Variants in LIPH observed in about 807,000 individuals in gnomAD.
LIPH encodes the protein lipase member H.
A neutral mutation model predicts 47.6 loss-of-function variants in LIPH; 32 were observed. That is an observed-to-expected ratio of 0.67 (90% CI 0.51 to 0.90). LIPH has a LOEUF of 0.90. Among genes scored for constraint, LIPH ranks in the 40% least tolerant of loss-of-function variants. The probability of loss-of-function intolerance (pLI) is 0.00; values close to 1 mark genes in which losing one functional copy is unlikely to be tolerated. For missense variants in LIPH, 497 were observed against 541.4 expected, an observed-to-expected ratio of 0.92 and a Z score of 0.81; for synonymous variants, 190 against 195.6, an observed-to-expected ratio of 0.97 and a Z score of 0.24.
intron 5 of LIPH, among the ~76,000 whole-genome samples, chr3:185,522,797 A>G (rs949248022): frequency 6.6e-6 from 1 of 152,204 alleles, no homozygotes; most frequent in African/African-American, 2.4e-5. Context: ...AAAGTAATAT[A>G]AAATTATTTG....
chr3:185,517,128 C>T lies in LIPH; in HGVS notation c.921G>A (p.Arg307=). The T allele has an allele frequency of 6.2e-7, 1 of 1,611,632 alleles. No individual in the cohort carries two copies. The highest frequency in any genetic ancestry group is 8.5e-7 in the Non-Finnish European group (1 of 1,177,750). The part of the protein sequence containing the change: ...YYADNWKDHL[R]GKDPPMTKAF... ...CCTTCGTCATTGGAGGATCTTTCCC[C>T]CTTAGATGGTCTTTCCAATTATCAG... is the stretch of plus-strand genomic sequence containing the variant. The change falls in exon 7 of 10, where the codon AGG becomes AGA. Residue 307 remains arginine, a synonymous_variant. Coordinates refer to ENST00000296252, the MANE Select transcript of LIPH (RefSeq NM_139248.3).
chr3:185,538,331 C>T (rs1720563811), intron 1 of LIPH, among the ~76,000 whole-genome samples: 1 of 152,114 alleles, frequency 6.6e-6, no homozygotes, highest in Admixed American at 6.6e-5. Flanking sequence ...GAGGAAGAAT[C>T]AGTCAGTAAT....
chr3:185,540,187 C>A (rs1720658174), intron 1 of LIPH, among the ~76,000 whole-genome samples: 1 of 152,192 alleles, frequency 6.6e-6, no homozygotes, highest in Admixed American at 6.5e-5. Context: ...AGATCTCTTG[C>A]ACATCCCTCC....
chr3:185,514,518 T>C lies in LIPH; in HGVS notation c.986A>G (p.Tyr329Cys), dbSNP rs1719666919. The C allele has an allele frequency of 2.6e-6, 3 of 1,134,908 alleles. No individual in the cohort carries two copies. Among genetic ancestry groups the C allele is most frequent in the South Asian group, 2.5e-5 (2 of 81,538 alleles). 70.3% of individuals were successfully genotyped at this position (1,134,908 alleles called of 1,614,324 possible). Reference protein sequence around the residue: ...DTAEESPFCMYHYFVDIITWN... With the variant: ...DTAEESPFCMCHYFVDIITWN... Reference sequence around the variant, plus strand: ...TGTTATAATATCCACAAAGTAATGATACACTGCAAAACAGAGAGAGAACAC... The same window carrying C: ...TGTTATAATATCCACAAAGTAATGACACACTGCAAAACAGAGAGAGAACAC... Residue 329 changes from tyrosine (Y) to cysteine (C), a missense_variant, in exon 8 of 10, where the codon TAT (tyrosine) becomes TGT (cysteine). Transcript: ENST00000296252.
At chr3:185,508,926 A>G (rs1295546843) in intron 9 of LIPH, 49 bp from the exon 10 acceptor site, 1 of 1,065,228 alleles carries the variant, frequency 9.4e-7, no homozygotes, top group African/African-American at 1.6e-5. Context: ...ATAAAAATGC[A>G]ATGGTCTAGT....
At chr3:185,545,772 G>A (rs1489982940) in intron 1 of LIPH, among the ~76,000 whole-genome samples, 5 of 152,108 alleles carry the variant, frequency 3.3e-5, no homozygotes, top group African/African-American at 1.2e-4. Flanking sequence ...TCAGACCTAG[G>A]TTTGATGTCC....
chr3:185,520,424 G>A (rs1719866670), intron 5 of LIPH, among the ~76,000 whole-genome samples: 1 of 151,844 alleles, frequency 6.6e-6, no homozygotes, highest in Non-Finnish European at 1.5e-5. Flanking sequence ...GGCTGAGGCA[G>A]GAGAATCGCT....
intron 3 of LIPH, among the ~76,000 whole-genome samples, chr3:185,529,965 G>GAAAGAAAGAAAGAAAGAAA (rs1553823294): frequency 9.7e-6 from 1 of 103,038 alleles, no homozygotes; most frequent in Non-Finnish European, 2.0e-5. Context: ...AAAGAAAGAA[G>GAAAGAAAGAAAGAAAGAAA]GAAAGAAAGA....
chr3:185,509,389 G>A (rs1450067282), intron 9 of LIPH, among the ~76,000 whole-genome samples: 1 of 151,978 alleles, frequency 6.6e-6, no homozygotes, highest in Non-Finnish European at 1.5e-5. Context: ...AGCACTTTGG[G>A]AGGCCAAGGC....
At chr3:185,531,534 G>A (rs926177753) in intron 3 of LIPH, among the ~76,000 whole-genome samples, 12 of 149,634 alleles carry the variant, frequency 8.0e-5, no homozygotes, top group Non-Finnish European at 1.0e-4. Context: ...TCCAGCCTGG[G>A]CGACAGAGTA....
chr3:185,534,058 T>A (rs1186055914), intron 2 of LIPH, among the ~76,000 whole-genome samples: 1 of 152,056 alleles, frequency 6.6e-6, no homozygotes, highest in Admixed American at 6.6e-5. Flanking sequence ...ACCCCGTCTT[T>A]ACTAAAAATA....
intron 3 of LIPH, among the ~76,000 whole-genome samples, chr3:185,528,149 G>C (rs547084165): frequency 6.6e-6 from 1 of 151,584 alleles, no homozygotes; most frequent in East Asian, 2.0e-4. Context: ...GCTTGAACCC[G>C]GGAGGCAGAG....
At chr3:185,509,053 A>G (rs1348645197) in intron 9 of LIPH, among the ~76,000 whole-genome samples, 176 bp from the exon 10 acceptor site, 1 of 151,686 alleles carries the variant, frequency 6.6e-6, no homozygotes, top group African/African-American at 2.4e-5. Context: ...GCATTTTAAG[A>G]GGCCGAGGCG....
In LIPH at chr3:185,507,751, AG is replaced by A. The variant is rs1449487439; in HGVS notation, c.*1038del. Reference sequence around the variant, plus strand: ...AAATAGGTGACAGCCTTGTTCCAAAAGGCTAACATTAATTACCTCTAATAGG... The same window carrying A: ...AAATAGGTGACAGCCTTGTTCCAAAAGCTAACATTAATTACCTCTAATAGG... On this transcript the variant is annotated 3_prime_UTR_variant, in exon 10 of 10. Coordinates refer to ENST00000296252, the MANE Select transcript of LIPH (RefSeq NM_139248.3). 1 of 152,220 alleles carries A rather than the reference AG, an allele frequency of 6.6e-6. No homozygotes were observed. The highest frequency in any genetic ancestry group is 1.5e-5 in the Non-Finnish European group (1 of 68,046). 9.4% of individuals were successfully genotyped at this position (152,220 alleles called of 1,614,324 possible).
chr3:185,524,097 G>A lies in LIPH; in HGVS notation c.692C>T (p.Pro231Leu), dbSNP rs1177415706. ...TCCCAATATTGTTTTGGGGCAGCCA[G>A]GTTGATCCAATCCTCCATTTGGGTA... ...DFYPNGGLDQ[P>L]GCPKTILGGF... Residue 231 changes from proline to leucine, a missense_variant, in exon 5 of 10, where the codon CCT becomes CTT. Physicochemically the swap from Pro to Leu is moderately conservative, Grantham distance 98. Transcript: ENST00000296252. 6.2e-7 allele frequency: 1 copy of A among 1,613,478 alleles called. No homozygotes were observed. Among genetic ancestry groups the A allele is most frequent in the African/African-American group, 1.3e-5 (1 of 74,894 alleles).
intron 5 of LIPH, among the ~76,000 whole-genome samples, chr3:185,519,934 T>C (rs548472615): frequency 3.3e-5 from 5 of 150,442 alleles, no homozygotes; most frequent in African/African-American, 1.2e-4. Context: ...ATCCATAGAT[T>C]GCCTGCATCA....
intron 5 of LIPH, among the ~76,000 whole-genome samples, chr3:185,523,054 A>C (rs991511657): frequency 1.2e-4 from 19 of 152,336 alleles, no homozygotes; most frequent in Middle Eastern, 3.4e-3. Context: ...TTTTGTGAGC[A>C]TACCATAATT....
intron 3 of LIPH, among the ~76,000 whole-genome samples, chr3:185,527,822 G>T (rs1367248948): frequency 1.3e-5 from 2 of 149,360 alleles, no homozygotes; most frequent in East Asian, 2.0e-4. Context: ...TCCATCAGGG[G>T]CATGTGTCAT....
At chr3:185,526,781 T>G (rs602149) in intron 4 of LIPH, among the ~76,000 whole-genome samples, 137,909 of 150,866 alleles carry the variant, frequency 0.91, 63,443 homozygotes, top group East Asian at 0.99. Flanking sequence ...AGAGCTGTAG[T>G]TGCATCAGAG....
Sources: allele counts gnomAD v4.1 joint callset (sites outside exome capture counted in the v4.1 genomes callset), GRCh38; gene constraint gnomAD v4.1.1; transcripts MANE v1.5; gene names NCBI Gene and HGNC (gene_info 2026-07-23, HGNC 2026-07-21).